Variants in KCNIP4 observed in about 807,000 individuals in gnomAD.
The protein encoded by KCNIP4 is Kv channel-interacting protein 4.
A neutral mutation model predicts 34.0 loss-of-function variants in KCNIP4; 12 were observed. The ratio of observed to expected loss-of-function variants is 0.35; its 90% confidence interval spans 0.23 to 0.57. KCNIP4 has a LOEUF of 0.57. Ranked by LOEUF, KCNIP4 falls within the 20% of genes least tolerant of loss-of-function variation. The pLI, the probability that KCNIP4 is intolerant of heterozygous loss-of-function variation, is 0.83. For synonymous variants in KCNIP4, 124 were observed against 102.2 expected (o/e 1.21, Z -1.29); for missense variants, 238 against 311.7 (o/e 0.76, Z 1.78).
chr4:20,937,355 C>T (rs1273809408), intron 1 of KCNIP4, among the ~76,000 whole-genome samples: 1 of 150,606 alleles, frequency 6.6e-6, no homozygotes, highest in African/African-American at 2.5e-5. Context: ...CTGCCTCAGC[C>T]TCCCAAATAG....
At chr4:21,729,826 A>G (rs1399371100) in intron 1 of KCNIP4, 3 of 152,234 alleles carry the variant, frequency 2.0e-5, no homozygotes, top group Admixed American at 2.0e-4. Context: ...AAAGTATTTT[A>G]TAATATATGG....
At chr4:21,903,607 C>T (rs1727826295) in intron 1 of KCNIP4, among the ~76,000 whole-genome samples, 1 of 152,018 alleles carries the variant, frequency 6.6e-6, no homozygotes, top group Non-Finnish European at 1.5e-5. Flanking sequence ...GGCTTAAGAA[C>T]ATTATTAAAC....
intron 1 of KCNIP4, among the ~76,000 whole-genome samples, chr4:21,286,080 G>A (rs1287412532): frequency 6.6e-6 from 1 of 152,160 alleles, no homozygotes; most frequent in African/African-American, 2.4e-5. Context: ...CCATTTACAT[G>A]TAGATACACA....
chr4:21,648,001 G>A (rs901844053), intron 1 of KCNIP4, among the ~76,000 whole-genome samples: 43 of 148,572 alleles, frequency 2.9e-4, no homozygotes, highest in African/African-American at 1.1e-3. Context: ...AGCCTCCCTA[G>A]TAGCTGGGAC....
At chr4:21,064,439 C>T (rs762861791) in intron 1 of KCNIP4, among the ~76,000 whole-genome samples, 3 of 151,440 alleles carry the variant, frequency 2.0e-5, no homozygotes, top group Non-Finnish European at 4.4e-5. Context: ...AATAGTATGT[C>T]ATAACAATTA....
intron 1 of KCNIP4, among the ~76,000 whole-genome samples, chr4:21,017,450 T>A (rs144922201): frequency 6.6e-6 from 1 of 152,336 alleles, no homozygotes; most frequent in Non-Finnish European, 1.5e-5. Flanking sequence ...TGTTTGGTTT[T>A]CTGTTCCTCT....
chr4:20,869,469 G>A (rs1723215543), intron 2 of KCNIP4, among the ~76,000 whole-genome samples: 1 of 152,028 alleles, frequency 6.6e-6, no homozygotes, highest in South Asian at 2.1e-4. Context: ...CATATAATGA[G>A]TAGTAGTATT....
At chr4:21,477,758 T>C (rs1413749185) in intron 1 of KCNIP4, among the ~76,000 whole-genome samples, 1 of 152,208 alleles carries the variant, frequency 6.6e-6, no homozygotes, top group African/African-American at 2.4e-5. Context: ...AGAAGGTGCC[T>C]AATTCTCTGC....
At chr4:21,525,265 G>A (rs1735875631) in intron 1 of KCNIP4, among the ~76,000 whole-genome samples, 1 of 152,138 alleles carries the variant, frequency 6.6e-6, no homozygotes, top group East Asian at 1.9e-4. Context: ...CCAACAATAT[G>A]GAAAACTTCT....
intron 1 of KCNIP4, among the ~76,000 whole-genome samples, chr4:21,363,293 A>G (rs1719411990): frequency 6.6e-6 from 1 of 152,096 alleles, no homozygotes; most frequent in Non-Finnish European, 1.5e-5. Flanking sequence ...CTCAAGATCT[A>G]GCTGTGATCC....
chr4:21,535,669 C>T (rs1262035506), intron 1 of KCNIP4, among the ~76,000 whole-genome samples: 1 of 152,106 alleles, frequency 6.6e-6, no homozygotes, highest in African/African-American at 2.4e-5. Flanking sequence ...TTTCCTTAAT[C>T]CTGCGTTTTA....
chr4:21,946,499 C>T (rs530014701), intron 1 of KCNIP4, among the ~76,000 whole-genome samples: 2 of 152,038 alleles, frequency 1.3e-5, no homozygotes, highest in South Asian at 2.1e-4. Context: ...AAAAATCATC[C>T]CTTCTCATCC....
At chr4:20,869,919 G>C (rs892052829) in intron 2 of KCNIP4, among the ~76,000 whole-genome samples, 3 of 151,962 alleles carry the variant, frequency 2.0e-5, no homozygotes, top group Non-Finnish European at 4.4e-5. Context: ...CAATAAAAGG[G>C]GAAGAGCAAT....
chr4:20,734,200 T>C (rs887693185), intron 6 of KCNIP4, among the ~76,000 whole-genome samples: 4 of 152,196 alleles, frequency 2.6e-5, no homozygotes, highest in Admixed American at 1.3e-4. Context: ...ATAGTCTGCC[T>C]CAACGTGCAT....
chr4:20,802,780 T>A (rs76413529), intron 3 of KCNIP4, among the ~76,000 whole-genome samples: 4,633 of 152,198 alleles, frequency 0.03, 200 homozygotes, highest in African/African-American at 0.095. Context: ...AGAGAAATTT[T>A]AAAAATATCT....
chr4:20,792,024 T>A (rs1323593206), intron 3 of KCNIP4, among the ~76,000 whole-genome samples: 2 of 152,176 alleles, frequency 1.3e-5, no homozygotes, highest in African/African-American at 4.8e-5. Context: ...TATATATACA[T>A]CTATACACGT....
intron 1 of KCNIP4, among the ~76,000 whole-genome samples, chr4:21,814,817 G>A (rs1262669824): frequency 2.0e-5 from 3 of 152,122 alleles, no homozygotes; most frequent in South Asian, 2.1e-4. Context: ...GATGTGCTCC[G>A]TGGCTGTCTC....
At chr4:20,839,494 TTA>T (rs71181593) in intron 3 of KCNIP4, among the ~76,000 whole-genome samples, 30 of 124,138 alleles carry the variant, frequency 2.4e-4, no homozygotes, top group East Asian at 1.4e-3. Context: ...TATATCTATA[TTA>T]TATATATATA....
intron 1 of KCNIP4, among the ~76,000 whole-genome samples, chr4:21,707,930 CAT>C (rs1313361084): frequency 8.7e-5 from 6 of 68,946 alleles, no homozygotes; most frequent in African/African-American, 3.9e-4. Context: ...GAAACACACA[CAT>C]ACACACACAC....
Sources: allele counts gnomAD v4.1 joint callset (sites outside exome capture counted in the v4.1 genomes callset), GRCh38; gene constraint gnomAD v4.1.1; transcripts MANE v1.5; gene names NCBI Gene and HGNC (gene_info 2026-07-23, HGNC 2026-07-21).